Variants in MS4A6E observed in about 807,000 individuals in gnomAD.
The protein encoded by MS4A6E is membrane spanning 4-domains A6E.
MS4A6E carries 8 observed loss-of-function variants against 13.2 expected under a neutral mutation model. The ratio of observed to expected loss-of-function variants is 0.60; its 90% CI spans 0.35 to 1.09. The LOEUF is 1.09. MS4A6E is among the 50% of genes least tolerant of loss of function. The pLI is 0.02. For missense variants in MS4A6E, 177 were observed against 171.1 expected (o/e 1.03, Z -0.19); for synonymous variants, 72 against 67.6 (o/e 1.06, Z -0.32).
intron 1 of MS4A6E, among the ~76,000 whole-genome samples, chr11:60,328,534 C>T (rs2085134173): frequency 6.7e-6 from 1 of 149,716 alleles, no homozygotes; most frequent in African/African-American, 2.4e-5. Context: ...GATACACACA[C>T]ACACACACAC....
Position 60,334,246 on chromosome 11 carries a change from G to A in MS4A6E, c.-14-636G>A, listed in dbSNP as rs539799971. ...ACACCAGGGGGAGAAAGAGGTTACA[G>A]GCTCCAGACAAGAAACAAGCAAACC... On this transcript the variant is annotated intron_variant, in intron 1 of 4. Coordinates refer to ENST00000684409, the MANE Select transcript of MS4A6E (RefSeq NM_139249.4). Among the ~76,000 whole-genome samples, 6 of 152,244 alleles carry A rather than the reference G, an allele frequency of 3.9e-5. No individual in the cohort carries two copies. In the South Asian group the frequency reaches 1.2e-3, roughly 32 times the overall value.
rs149458034 is a variant in MS4A6E at position 60,333,662 on chromosome 11, T to C, written c.-14-1220T>C. ...GCTAGCTGAGAAACAAAAACTCGGA[T>C]AGTTGTTTTGGGTCCAAAGAGTTAA... On this transcript the variant is annotated intron_variant, in intron 1 of 4. Transcript: ENST00000684409. Among the ~76,000 whole-genome samples the C allele has an allele frequency of 7.9e-5, 12 of 152,250 alleles. 1 individual carries two copies. The highest frequency in any genetic ancestry group is 6.8e-3 in the Middle Eastern group (2 of 294).
At chr11:60,347,841 G>A (rs1163923627) in intron 4 of MS4A6E, among the ~76,000 whole-genome samples, 7 of 152,086 alleles carry the variant, frequency 4.6e-5, no homozygotes, top group Non-Finnish European at 8.8e-5. Context: ...TGACTCCCTA[G>A]ACTTGTATGA....
downstream of MS4A6E, among the ~76,000 whole-genome samples, chr11:60,342,194 AG>A (rs2085231228): frequency 5.6e-4 from 47 of 84,622 alleles, 1 homozygote; most frequent in East Asian, 4.8e-3. Context: ...AGAGAGAGAG[AG>A]AGAGAGGGGG....
At chr11:60,341,627 A>T (rs754722000), downstream of MS4A6E, among the ~76,000 whole-genome samples, 3 of 152,090 alleles carry the variant, frequency 2.0e-5, no homozygotes, top group Non-Finnish European at 4.4e-5. Flanking sequence ...GTAAAAAAGT[A>T]TTTCAATTTT....
intron 2 of MS4A6E, among the ~76,000 whole-genome samples, chr11:60,335,860 A>G (rs2085185779): frequency 6.6e-6 from 1 of 152,184 alleles, no homozygotes; most frequent in Non-Finnish European, 1.5e-5. Flanking sequence ...GAGAACATGC[A>G]GTATTTGGTT....
At chr11:60,328,426 G>A (rs1396825755) in intron 1 of MS4A6E, among the ~76,000 whole-genome samples, 1 of 152,114 alleles carries the variant, frequency 6.6e-6, no homozygotes, top group African/African-American at 2.4e-5. Context: ...CAGTGGAGGG[G>A]TGATCCCAGT....
At chr11:60,332,400 G>A (rs1293681836) in intron 1 of MS4A6E, among the ~76,000 whole-genome samples, 1 of 152,170 alleles carries the variant, frequency 6.6e-6, no homozygotes, top group Non-Finnish European at 1.5e-5. Flanking sequence ...TATTCATGAG[G>A]AAGTTAGAGA....
chr11:60,342,193 GAGA>G (rs2085231173), downstream of MS4A6E, among the ~76,000 whole-genome samples: 6 of 85,730 alleles, frequency 7.0e-5, no homozygotes, highest in South Asian at 4.2e-4. Context: ...GAGAGAGAGA[GAGA>G]GAGAGGGGGG....
rs758333623 is a variant in MS4A6E, at chr11:60,339,871, T to A, written c.360T>A (p.Thr120=). The change falls in exon 4 of 5, where the codon ACT becomes ACA. Residue 120 remains threonine (T), a synonymous_variant. Transcript: ENST00000684409. The part of the protein sequence containing the change: ...CHRAKASLAG[T]LSLMLVSTVL... ...TTTTATTTCTTGACTTTCAGGGAAC[T>A]CTGTCTCTGATGCTGGTTTCTACTG... 11 of 1,613,406 alleles carry A rather than the reference T, an allele frequency of 6.8e-6. No individual in the cohort carries two copies. The highest frequency in any genetic ancestry group is 7.6e-6 in the Non-Finnish European group (9 of 1,179,460).
In MS4A6E at chr11:60,339,896, G is replaced by C. The variant is rs1284370819; in HGVS notation, c.385G>C (p.Val129Leu). The C allele has an allele frequency of 4.3e-6, 7 of 1,613,764 alleles. No individual in the cohort carries two copies. The highest frequency in any genetic ancestry group is 5.9e-6 in the Non-Finnish European group (7 of 1,179,832). ...TCTGTCTCTGATGCTGGTTTCTACT[G>C]TGTTGGAGTTCTGCCTAGCTGTGCT... The part of the protein sequence containing the change: ...GTLSLMLVST[V>L]LEFCLAVLTA... Residue 129 changes from valine to leucine, a missense_variant, in exon 4 of 5, where the codon GTG becomes CTG. Val to Leu is a conservative substitution (Grantham distance 32). Transcript: ENST00000684409.
chr11:60,346,313 G>T (rs2085256153), downstream of MS4A6E, among the ~76,000 whole-genome samples: 1 of 152,176 alleles, frequency 6.6e-6, no homozygotes, highest in Non-Finnish European at 1.5e-5. Flanking sequence ...TGGAGGCTCT[G>T]TCCTTCTCTT....
At chr11:60,328,189 T>C (rs1323238784) in intron 1 of MS4A6E, among the ~76,000 whole-genome samples, 1 of 152,138 alleles carries the variant, frequency 6.6e-6, no homozygotes, top group African/African-American at 2.4e-5. Context: ...CTAAGTGAAG[T>C]GTTCAGGGAA....
At chr11:60,342,191 GAGAGAGA>G (rs1254162765), downstream of MS4A6E, among the ~76,000 whole-genome samples, 16 of 83,464 alleles carry the variant, frequency 1.9e-4, 1 homozygote, top group African/African-American at 7.9e-4. Context: ...GAGAGAGAGA[GAGAGAGA>G]GAGGGGGGGG....
chr11:60,345,819 T>C (rs1323079268), downstream of MS4A6E, among the ~76,000 whole-genome samples: 1 of 152,290 alleles, frequency 6.6e-6, no homozygotes, highest in Non-Finnish European at 1.5e-5. Context: ...TGGCAATGGC[T>C]TGGAGGCATG....
intron 4 of MS4A6E, among the ~76,000 whole-genome samples, chr11:60,346,685 C>A (rs2085257385): frequency 6.6e-6 from 1 of 152,172 alleles, no homozygotes; most frequent in African/African-American, 2.4e-5. Context: ...CATTTATCTG[C>A]AGAACTATTG....
chr11:60,347,942 A>G (rs1048082532), intron 4 of MS4A6E, among the ~76,000 whole-genome samples: 1 of 152,114 alleles, frequency 6.6e-6, no homozygotes, highest in Non-Finnish European at 1.5e-5. Context: ...GGTGTACTAG[A>G]TTGAATTCTA....
chr11:60,344,948 T>C (rs1159971183), downstream of MS4A6E, among the ~76,000 whole-genome samples: 1 of 152,142 alleles, frequency 6.6e-6, no homozygotes, highest in African/African-American at 2.4e-5. Flanking sequence ...TGTTTTTTGT[T>C]TTTTTGAGAC....
rs185540278 is a variant in MS4A6E at position 60,330,563 on chromosome 11, C to T, written c.-15+3155C>T. ...TTCACTGTGTTAGCCAGGATGGTCTCGATCTGACCTCGTGATCCGCCCACC... is the reference window on the plus strand; with the variant it reads ...TTCACTGTGTTAGCCAGGATGGTCTTGATCTGACCTCGTGATCCGCCCACC... On this transcript the variant is annotated intron_variant, in intron 1 of 4. Coordinates refer to ENST00000684409, the MANE Select transcript of MS4A6E (RefSeq NM_139249.4). 7.5e-3 allele frequency among the ~76,000 whole-genome samples: 1,139 copies of T among 151,066 alleles called. 4 individuals carry two copies. Among genetic ancestry groups the T allele is most frequent in the Non-Finnish European group, 0.012 (793 of 67,630 alleles).
Sources: gnomAD v4.1 joint callset for allele counts (sites outside exome capture counted in the v4.1 genomes callset) on GRCh38, gnomAD v4.1.1 for gene constraint, MANE v1.5 for transcripts, NCBI Gene and HGNC (gene_info 2026-07-23, HGNC 2026-07-21) for gene names.